The following ACACB variants were observed in gnomAD, a reference collection of about 807,000 sequenced individuals.
ACACB encodes acetyl-CoA carboxylase beta.
A neutral mutation model predicts 278.8 loss-of-function variants in ACACB; 209 were observed. That is an observed-to-expected ratio of 0.75 (90% CI 0.67 to 0.84). The LOEUF is 0.84. Ranked by LOEUF, ACACB falls within the 40% of genes least tolerant of loss-of-function variation. The probability of loss-of-function intolerance (pLI) is 0.00; values close to 1 mark genes in which losing one functional copy is unlikely to be tolerated. For synonymous variants in ACACB, 1,174 were observed against 1,285.6 expected (o/e 0.91, Z 1.86); for missense variants, 2,850 against 3,269.0 (o/e 0.87, Z 3.13).
intron 19 of ACACB, among the ~76,000 whole-genome samples, chr12:109,203,953 T>TA (rs1009055073): frequency 1.7e-4 from 26 of 150,576 alleles, no homozygotes; most frequent in Non-Finnish European, 2.2e-4. Flanking sequence ...ATCTGTCCAG[T>TA]AAAAAAAAAA....
rs541137537 is a variant in ACACB, at chr12:109,209,212, A to C, written c.3108A>C (p.Ser1036=). The part of the protein sequence containing the change: ...QKLMMTLRHP[S]LPLLELQEIM... ...TCATGATGACCCTCCGGCACCCGTC[A>C]CTGCCGCTGCTGGAGCTGCAGGAGA... Residue 1036 remains serine (S), a synonymous_variant, in exon 21 of 53, where the codon TCA becomes TCC. Transcript: ENST00000338432. 1.9e-6 allele frequency: 3 copies of C among 1,609,586 alleles called. No homozygotes were observed. The highest frequency in any genetic ancestry group is 1.7e-6 in the Non-Finnish European group (2 of 1,178,740).
At chr12:109,133,853 ATATATATATATTTTT>A (rs2042895463) in intron 1 of ACACB, among the ~76,000 whole-genome samples, 1 of 48,226 alleles carries the variant, frequency 2.1e-5, no homozygotes, top group Admixed American at 2.3e-4. Flanking sequence ...ATATATATAT[ATATATATATATTTTT>A]TTTTTTTTTT....
At chr12:109,181,432 T>G (rs947601290) in intron 11 of ACACB, among the ~76,000 whole-genome samples, 5 of 152,082 alleles carry the variant, frequency 3.3e-5, no homozygotes, top group Non-Finnish European at 7.4e-5. Context: ...TTCACCATAT[T>G]GGCCAGGCTG....
In ACACB at chr12:109,222,613, C is replaced by T. The variant is rs1347235133; in HGVS notation, c.3671C>T (p.Ala1224Val). 1.2e-6 allele frequency: 2 copies of T among 1,614,052 alleles called. No homozygotes were observed. Among genetic ancestry groups the T allele is most frequent in the South Asian group, 1.1e-5 (1 of 91,078 alleles). Residue 1224 changes from alanine to valine, a missense_variant, in exon 25 of 53, where the codon GCC becomes GTC. Coordinates refer to ENST00000338432, the MANE Select transcript of ACACB (RefSeq NM_001093.4). ...GAGCACTGCAAAGTGGCCCTCAGAG[C>T]CCGGCAGGTAGGGTCTCAGGGTGCG... The part of the protein sequence containing the change: ...KSEHCKVALR[A>V]RQILIASHLP...
rs12299192 is a variant in ACACB at position 109,182,133 on chromosome 12, G to A, written c.1818+2046G>A. Among the ~76,000 whole-genome samples the A allele has an allele frequency of 9.2e-3, 1,395 of 151,846 alleles. 27 individuals carry two copies. The highest frequency in any genetic ancestry group is 0.032 in the African/African-American group (1,331 of 41,414). ...GCTGGGATTACAAGCTTGAGCCACC[G>A]CGCCCAGCTGCTAGTATTTCTTATT... is the stretch of plus-strand genomic sequence containing the variant. On this transcript the variant is annotated intron_variant, in intron 11 of 52. Transcript: ENST00000338432.
intron 12 of ACACB, among the ~76,000 whole-genome samples, chr12:109,186,814 G>A (rs550664450): frequency 6.6e-6 from 1 of 152,088 alleles, no homozygotes; most frequent in Non-Finnish European, 1.5e-5. Flanking sequence ...ATGATGGCTC[G>A]TTCCCAGGTT....
chr12:109,145,687 C>T (rs766023842), intron 2 of ACACB, among the ~76,000 whole-genome samples: 1 of 152,010 alleles, frequency 6.6e-6, no homozygotes, highest in Non-Finnish European at 1.5e-5. Flanking sequence ...AATCCAGGAA[C>T]TCCTTCTGAA....
chr12:109,192,087 A>G (rs1372844534), intron 15 of ACACB, 137 bp downstream of exon 15: 2 of 902,760 alleles, frequency 2.2e-6, no homozygotes, highest in Admixed American at 4.3e-5. Flanking sequence ...TGCCTCTGGG[A>G]AATTCCTCTA....
intron 24 of ACACB, among the ~76,000 whole-genome samples, chr12:109,221,303 T>C (rs1565940636): frequency 6.6e-6 from 1 of 152,210 alleles, no homozygotes; most frequent in Non-Finnish European, 1.5e-5. Flanking sequence ...TGGTGACCTC[T>C]TGAAGACCAG....
intron 11 of ACACB, among the ~76,000 whole-genome samples, chr12:109,180,541 C>T (rs2136225188): frequency 6.6e-6 from 1 of 152,272 alleles, no homozygotes; most frequent in South Asian, 2.1e-4. Context: ...GAGTTGTAAC[C>T]TCTTGGGTTA....
chr12:109,235,833 A>G (rs772458433), intron 33 of ACACB, 186 bp downstream of exon 33: 16 of 547,018 alleles, frequency 2.9e-5, no homozygotes, highest in Non-Finnish European at 4.8e-5. Flanking sequence ...CCCTGTCTCT[A>G]CAAAAAAATT....
chr12:109,152,852 C>T (rs1479712689), intron 2 of ACACB, among the ~76,000 whole-genome samples: 3 of 152,084 alleles, frequency 2.0e-5, no homozygotes, highest in Admixed American at 6.6e-5. Flanking sequence ...CTATGTTGGT[C>T]AGGTTGGTCT....
At position 109,245,626 on chromosome 12, in the gene ACACB, G is replaced by A; in HGVS notation, c.5179G>A (p.Ala1727Thr). The A allele has an allele frequency of 6.2e-7, 1 of 1,612,942 alleles. No homozygotes were observed. Among genetic ancestry groups the A allele is most frequent in the African/African-American group, 1.3e-5 (1 of 74,894 alleles). Residue 1727 changes from alanine to threonine, a missense_variant and splice_region_variant, in exon 38 of 53, where the codon GCT (alanine) becomes ACT (threonine). Ala to Thr is a moderately conservative substitution (Grantham distance 58). Coordinates refer to ENST00000338432, the MANE Select transcript of ACACB (RefSeq NM_001093.4). ...IYDFPEMFRQ[A>T]LFKLWGSPDK... ...TTTCTCTTTCCTCTTCTCTCCCCAG[G>A]CTCTCTTTAAACTGTGGGGCTCCCC...
chr12:109,238,172 C>A (rs542533124), intron 34 of ACACB, among the ~76,000 whole-genome samples: 1 of 151,062 alleles, frequency 6.6e-6, no homozygotes, highest in African/African-American at 2.4e-5. Context: ...AGACACAATT[C>A]CGTCCCTGAA....
At position 109,180,103 on chromosome 12, in the gene ACACB, T is replaced by C. The variant is rs1289278619; in HGVS notation, c.1818+16T>C. On this transcript the variant is annotated intron_variant, in intron 11 of 52. Coordinates refer to ENST00000338432, the MANE Select transcript of ACACB (RefSeq NM_001093.4). ...CCAGCTACAGGTGAGAAAATGGGCT[T>C]GGGGCCCTGGGACTTCTCTGCCCTG... 1 of 1,606,730 alleles carries C rather than the reference T, an allele frequency of 6.2e-7. No homozygotes were observed. The highest frequency in any genetic ancestry group is 8.5e-7 in the Non-Finnish European group (1 of 1,175,622).
chr12:109,234,082 T>C (rs745974602), intron 31 of ACACB, 37 bp downstream of exon 31: 2 of 1,528,698 alleles, frequency 1.3e-6, no homozygotes, highest in Non-Finnish European at 1.8e-6. Context: ...GTGGGGGTTC[T>C]TGGAGAAGGA....
chr12:109,232,876 C>T (rs148081803), intron 29 of ACACB, 70 bp downstream of exon 29: 169 of 1,580,250 alleles, frequency 1.1e-4, no homozygotes, highest in Non-Finnish European at 1.4e-4. Flanking sequence ...GAATCCCCCC[C>T]CAATTCACTG....
Position 109,258,250 on chromosome 12 carries a change from C to A in ACACB, c.6264-18C>A, listed in dbSNP as rs750261582. 1 of 1,605,848 alleles carries A rather than the reference C, an allele frequency of 6.2e-7. No individual in the cohort carries two copies. The highest frequency in any genetic ancestry group is 8.5e-7 in the Non-Finnish European group (1 of 1,176,064). On this transcript the variant is annotated intron_variant, in intron 45 of 52. Transcript: ENST00000338432. ...GGGGTGCTGCCCAGGGCCTGGCTCA[C>A]TGGTGCTCATTTTCCAGGCTTGGGG...
upstream of ACACB, among the ~76,000 whole-genome samples, chr12:109,112,689 A>C (rs777287626): frequency 4.2e-3 from 142 of 33,834 alleles, no homozygotes; most frequent in Non-Finnish European, 6.5e-3. Flanking sequence ...ACTCCGTCTC[A>C]AAAAAAAAAA....
Sources: allele counts gnomAD v4.1 joint callset (sites outside exome capture counted in the v4.1 genomes callset), GRCh38; gene constraint gnomAD v4.1.1; transcripts MANE v1.5; gene names NCBI Gene and HGNC (gene_info 2026-07-23, HGNC 2026-07-21).